EPHA5: variants seen among roughly 807,000 people sequenced by gnomAD.
The protein encoded by EPHA5 is ephrin type-A receptor 5.
A neutral mutation model predicts 105.0 loss-of-function variants in EPHA5; 60 were observed. The ratio of observed to expected loss-of-function variants is 0.57; its 90% CI spans 0.46 to 0.71. The LOEUF is 0.71. Among genes scored for constraint, EPHA5 ranks in the 30% least tolerant of loss-of-function variants. The pLI is 0.00. For synonymous variants in EPHA5, 513 were observed against 449.1 expected (o/e 1.14, Z -1.80); for missense variants, 1,218 against 1,274.7 (o/e 0.96, Z 0.68).
intron 3 of EPHA5, among the ~76,000 whole-genome samples, chr4:65,540,681 C>T (rs1167503769): frequency 6.6e-6 from 1 of 151,126 alleles, no homozygotes; most frequent in African/African-American, 2.4e-5. Context: ...TATTGAACCC[C>T]TGGCTGGTTT....
chr4:65,449,794 C>T (rs1394061231), intron 5 of EPHA5, among the ~76,000 whole-genome samples: 1 of 152,074 alleles, frequency 6.6e-6, no homozygotes, highest in Non-Finnish European at 1.5e-5. Flanking sequence ...ACAGGTATCA[C>T]ACAGGTACCC....
rs1722402115 is a variant in EPHA5 at position 65,348,162 on chromosome 4, T to C, written c.2487A>G (p.Ile829Met). 1.2e-6 allele frequency: 2 copies of C among 1,613,790 alleles called. No individual in the cohort carries two copies. Among genetic ancestry groups the C allele is most frequent in the Non-Finnish European group, 1.7e-6 (2 of 1,179,876 alleles). The change falls in exon 14 of 17, where the codon ATA (isoleucine) becomes ATG (methionine). Residue 829 changes from isoleucine (I) to methionine (M), a missense_variant. Physicochemically the swap from Ile to Met is conservative, Grantham distance 10. This residue lies in a region of EPHA5 where 971 missense variants were observed against 1,013.5 expected (regional missense o/e 0.96). Transcript: ENST00000613740. ...TGGCAGAAGTAAACTTTCGGAAAGC[T>C]ATTGCTTCTGGGGCAGTCCATCTGA... ...IPIRWTAPEA[I>M]AFRKFTSASD...
intron 3 of EPHA5, among the ~76,000 whole-genome samples, chr4:65,589,556 C>T (rs1429870517): frequency 6.6e-6 from 1 of 152,116 alleles, no homozygotes; most frequent in East Asian, 1.9e-4. Flanking sequence ...GGCAACTTGC[C>T]TAGCTCTAAG....
At chr4:65,375,784 CAT>C (rs751503900) in intron 8 of EPHA5, among the ~76,000 whole-genome samples, 13,901 of 122,032 alleles carry the variant, frequency 0.11, 807 homozygotes, top group East Asian at 0.18. Context: ...AACACACACA[CAT>C]ACACACACAC....
intron 1 of EPHA5, among the ~76,000 whole-genome samples, chr4:65,657,819 G>T (rs1336158321): frequency 6.8e-6 from 1 of 147,982 alleles, no homozygotes; most frequent in Non-Finnish European, 1.5e-5. Context: ...ATTCCATATG[G>T]AATAGCGAGC....
chr4:65,354,064 A>G (rs1217854157), intron 11 of EPHA5, among the ~76,000 whole-genome samples: 1 of 151,750 alleles, frequency 6.6e-6, no homozygotes, highest in Non-Finnish European at 1.5e-5. Flanking sequence ...GTCAATTCTT[A>G]TCTCTGTGCC....
chr4:65,392,651 A>G (rs187317391), intron 8 of EPHA5, among the ~76,000 whole-genome samples: 1 of 152,298 alleles, frequency 6.6e-6, no homozygotes, highest in Admixed American at 6.5e-5. Flanking sequence ...CTACTTCTTG[A>G]AATCATTGCA....
Position 65,324,230 on chromosome 4 carries a change from A to T in EPHA5, c.2946-11T>A, listed in dbSNP as rs2148777275. ...AGCCGTCTCAAATCCCTGCATGAAG[A>T]AAGCACACATTGGATGTATTGATTC... On this transcript the variant is annotated splice_polypyrimidine_tract_variant and intron_variant, in intron 16 of 16. Transcript: ENST00000613740. The T allele has an allele frequency of 3.1e-6, 5 of 1,588,196 alleles. No individual in the cohort carries two copies. The highest frequency in any genetic ancestry group is 2.2e-5 in the East Asian group (1 of 44,520).
At chr4:65,393,611 A>G (rs1388308002) in intron 8 of EPHA5, among the ~76,000 whole-genome samples, 1 of 152,188 alleles carries the variant, frequency 6.6e-6, no homozygotes, top group African/African-American at 2.4e-5. Flanking sequence ...TAAATACCAT[A>G]TTTGTTCAAC....
At chr4:65,631,014 T>C (rs1001429835) in intron 2 of EPHA5, among the ~76,000 whole-genome samples, 1 of 152,144 alleles carries the variant, frequency 6.6e-6, no homozygotes, top group Non-Finnish European at 1.5e-5. Flanking sequence ...AACACTTAAG[T>C]TGTTTTGAAG....
intron 3 of EPHA5, among the ~76,000 whole-genome samples, chr4:65,519,480 C>T (rs1238520292): frequency 2.0e-5 from 3 of 152,048 alleles, no homozygotes; most frequent in Non-Finnish European, 4.4e-5. Flanking sequence ...GACAGGGATG[C>T]CCTCTCTCAC....
At chr4:65,614,809 G>T (rs1394028649) in intron 2 of EPHA5, among the ~76,000 whole-genome samples, 1 of 151,722 alleles carries the variant, frequency 6.6e-6, no homozygotes, top group Non-Finnish European at 1.5e-5. Flanking sequence ...GCATTTAAAA[G>T]TGTTTTAAAC....
intron 8 of EPHA5, among the ~76,000 whole-genome samples, chr4:65,385,222 AAAG>A (rs1309415001): frequency 6.6e-6 from 1 of 152,020 alleles, no homozygotes; most frequent in Admixed American, 6.6e-5. Context: ...GGGTTCAAAA[AAAG>A]AAGAAAATAA....
At chr4:65,451,877 G>T (rs1727101980) in intron 5 of EPHA5, among the ~76,000 whole-genome samples, 1 of 152,124 alleles carries the variant, frequency 6.6e-6, no homozygotes, top group Non-Finnish European at 1.5e-5. Flanking sequence ...TCAGACATGG[G>T]CTATTGAGGT....
intron 2 of EPHA5, among the ~76,000 whole-genome samples, chr4:65,630,273 C>T (rs9993783): frequency 0.037 from 5,697 of 152,094 alleles, 350 homozygotes; most frequent in African/African-American, 0.13. Context: ...AAGAGTTGGG[C>T]GGGTGGGCTC....
intron 3 of EPHA5, among the ~76,000 whole-genome samples, chr4:65,524,985 G>A (rs868276322): frequency 4.6e-5 from 7 of 151,778 alleles, no homozygotes; most frequent in Middle Eastern, 3.4e-3. Flanking sequence ...ATCTTTTTGT[G>A]AGTCAGTGTC....
chr4:65,390,673 A>G (rs529030870), intron 8 of EPHA5, among the ~76,000 whole-genome samples: 54 of 152,164 alleles, frequency 3.5e-4, no homozygotes, highest in South Asian at 4.1e-4. Flanking sequence ...TGTTATTTAA[A>G]ACAACAGCAA....
Position 65,584,485 on chromosome 4 carries a change from A to G in EPHA5, c.910+17156T>C, listed in dbSNP as rs1289961895. On this transcript the variant is annotated intron_variant, in intron 3 of 16. Transcript: ENST00000613740. ...CATGACACAGCCCCCTCAACCCCCA[A>G]AAATACTCAAATGTGACAAAGCATA... is the stretch of plus-strand genomic sequence containing the variant. Among the ~76,000 whole-genome samples, 3 of 151,884 alleles carry G rather than the reference A, an allele frequency of 2.0e-5. No homozygotes were observed. In the East Asian group the frequency reaches 5.8e-4, roughly 29 times the overall value.
At chr4:65,465,999 C>CCTT (rs1235703604) in intron 5 of EPHA5, among the ~76,000 whole-genome samples, 1 of 152,050 alleles carries the variant, frequency 6.6e-6, no homozygotes, top group East Asian at 1.9e-4. Context: ...CAAGGACAAA[C>CCTT]AAAAAAAGAC....
Sources: allele counts gnomAD v4.1 joint callset (sites outside exome capture counted in the v4.1 genomes callset), GRCh38; gene constraint gnomAD v4.1.1; regional missense constraint gnomAD v4.1.1; transcripts MANE v1.5; gene names NCBI Gene and HGNC (gene_info 2026-07-23, HGNC 2026-07-21).